ROS1: variants seen among roughly 807,000 people sequenced by gnomAD.
The protein encoded by ROS1 is ROS proto-oncogene 1, receptor tyrosine kinase.
In ROS1, 263 loss-of-function variants were observed where a neutral mutation model predicts 273.5. The ratio of observed to expected loss-of-function variants is 0.96; its 90% CI spans 0.87 to 1.06. The LOEUF is 1.06. ROS1 is among the 50% of genes least tolerant of loss of function. The probability of loss-of-function intolerance (pLI) is 0.00; values close to 1 mark genes in which losing one functional copy is unlikely to be tolerated. For synonymous variants in ROS1, 1,008 were observed against 954.1 expected (o/e 1.06, Z -1.04); for missense variants, 2,833 against 2,751.1 (o/e 1.03, Z -0.67).
intron 7 of ROS1, among the ~76,000 whole-genome samples, chr6:117,398,477 G>A (rs750470411): frequency 1.5e-4 from 23 of 152,094 alleles, no homozygotes; most frequent in Non-Finnish European, 2.4e-4. Flanking sequence ...CCAGGAGTTC[G>A]AGATCAGCCT....
Position 117,327,956 on chromosome 6 carries a change from A to G in ROS1, c.5348+1373T>C, listed in dbSNP as rs570467521. On this transcript the variant is annotated intron_variant, in intron 33 of 43. Transcript: ENST00000368507. Reference sequence around the variant, plus strand: ...AAACGCCAGAAGCTAAGAGGCAAAGATGGATTCTGCCCTAGAACCATCAGA... The same window carrying G: ...AAACGCCAGAAGCTAAGAGGCAAAGGTGGATTCTGCCCTAGAACCATCAGA... Among the ~76,000 whole-genome samples, 5 of 152,294 alleles carry G rather than the reference A, an allele frequency of 3.3e-5. No individual in the cohort carries two copies. The South Asian group carries it at 1.0e-3, about 32-fold the overall frequency.
At chr6:117,401,063 A>C (rs1209073997) in intron 7 of ROS1, among the ~76,000 whole-genome samples, 1 of 152,188 alleles carries the variant, frequency 6.6e-6, no homozygotes, top group African/African-American at 2.4e-5. Context: ...TTCAGACTGA[A>C]AGTCTAAGTT....
chr6:117,328,479 G>T (rs975101295), intron 33 of ROS1: 1 of 335,854 alleles, frequency 3.0e-6, no homozygotes, highest in African/African-American at 2.0e-5. Flanking sequence ...ACTTCAAGGA[G>T]GTTTCAATTA....
chr6:117,315,410 C>T (rs927954215), intron 39 of ROS1, among the ~76,000 whole-genome samples: 3 of 152,066 alleles, frequency 2.0e-5, no homozygotes, highest in Non-Finnish European at 4.4e-5. Flanking sequence ...TGTTACTTTA[C>T]TATGAGTAAA....
chr6:117,291,729 C>T (rs1242813412), intron 43 of ROS1, among the ~76,000 whole-genome samples: 2 of 152,138 alleles, frequency 1.3e-5, no homozygotes, highest in African/African-American at 2.4e-5. Flanking sequence ...TGGAAAAGTA[C>T]TAAAATAAAA....
chr6:117,419,262 A>T (rs1227984087), intron 1 of ROS1, among the ~76,000 whole-genome samples: 1 of 152,172 alleles, frequency 6.6e-6, no homozygotes, highest in Non-Finnish European at 1.5e-5. Flanking sequence ...TTCAATAAAT[A>T]CTGATGTGCT....
rs2128644297 is a variant in ROS1 at position 117,356,846 on chromosome 6, G to A, written c.3909C>T (p.Thr1303=). 1.2e-6 allele frequency: 2 copies of A among 1,614,110 alleles called. No homozygotes were observed. Among genetic ancestry groups the A allele is most frequent in the African/African-American group, 1.3e-5 (1 of 75,038 alleles). Residue 1303 remains threonine (T), a synonymous_variant, in exon 26 of 44, where the codon ACC becomes ACT. Transcript: ENST00000368507. ...CTGTGGGTTGCAGAATTCGGTGCAA[G>A]GTGTGACTGATAATACTGTAGTAGA... is the stretch of plus-strand genomic sequence containing the variant. The part of the protein sequence containing the change: ...QMFYYSIISH[T]LHRILQPTAT...
chr6:117,290,932 C>T (rs570875454), intron 43 of ROS1, among the ~76,000 whole-genome samples: 1 of 152,260 alleles, frequency 6.6e-6, no homozygotes, highest in Admixed American at 6.5e-5. Context: ...TAAATATGCC[C>T]ACCAGTCTGC....
At chr6:117,329,742 G>C (rs1263813575) in intron 32 of ROS1, among the ~76,000 whole-genome samples, 1 of 151,962 alleles carries the variant, frequency 6.6e-6, no homozygotes, top group Admixed American at 6.6e-5. Flanking sequence ...AGAACCACAC[G>C]GGGAAGGGGA....
At chr6:117,291,342 C>G (rs572537677) in intron 43 of ROS1, among the ~76,000 whole-genome samples, 1 of 152,260 alleles carries the variant, frequency 6.6e-6, no homozygotes, top group East Asian at 1.9e-4. Flanking sequence ...GGGAATATTA[C>G]TTAGAATTTT....
At chr6:117,324,132 T>C (rs1776469786) in intron 35 of ROS1, among the ~76,000 whole-genome samples, 200 bp downstream of exon 35, 1 of 152,244 alleles carries the variant, frequency 6.6e-6, no homozygotes, top group Admixed American at 6.5e-5. Context: ...ATATTTTCCA[T>C]AAAATAGTTA....
At chr6:117,344,756 A>G (rs992750646) in intron 27 of ROS1, among the ~76,000 whole-genome samples, 2 of 152,162 alleles carry the variant, frequency 1.3e-5, no homozygotes, top group African/African-American at 4.8e-5. Context: ...TGTTTGGGGA[A>G]AGATCAAGTC....
rs945272881 is a variant in ROS1 at position 117,329,336 on chromosome 6, C to T, written c.5341G>A (p.Glu1781Lys). The change falls in exon 33 of 44, where the codon GAG becomes AAG. Residue 1781 changes from glutamate (E) to lysine (K), a missense_variant. Physicochemically the swap from Glu to Lys is moderately conservative, Grantham distance 56. Coordinates refer to ENST00000368507, the MANE Select transcript of ROS1 (RefSeq NM_001378902.1). ...CTTTGCAAACACACATACCTTATCTCAAGGATATAGTATGTAATTCTACAT... is the reference window on the plus strand; with the variant it reads ...CTTTGCAAACACACATACCTTATCTTAAGGATATAGTATGTAATTCTACAT... Reference protein sequence around the residue: ...NGCRITYYILEIRKSTSNNLQ... With the variant: ...NGCRITYYILKIRKSTSNNLQ... 7.0e-7 allele frequency: 1 copy of T among 1,433,358 alleles called. No individual in the cohort carries two copies. The highest frequency in any genetic ancestry group is 2.3e-5 in the East Asian group (1 of 43,916). The allele number at this position is 1,433,358 out of a possible 1,614,324, so 88.8% of individuals were successfully genotyped here. A position where few individuals can be genotyped will look rare whatever the true frequency, so the allele number is the denominator to read the frequency against.
At chr6:117,353,454 A>C in intron 26 of ROS1, among the ~76,000 whole-genome samples, 1 of 152,230 alleles carries the variant, frequency 6.6e-6, no homozygotes, top group East Asian at 1.9e-4. Flanking sequence ...AAGGCCACCA[A>C]AGGGCAGACC....
intron 7 of ROS1, 114 bp from the exon 8 acceptor site, chr6:117,397,230 A>T: frequency 7.3e-6 from 5 of 683,696 alleles, no homozygotes; most frequent in Non-Finnish European, 1.3e-5. Flanking sequence ...GAAACGAAAT[A>T]ATTTTATTAA....
intron 18 of ROS1, among the ~76,000 whole-genome samples, chr6:117,374,027 G>A (rs1462543184): frequency 6.6e-6 from 1 of 152,196 alleles, no homozygotes; most frequent in Non-Finnish European, 1.5e-5. Context: ...CATGCTCATG[G>A]ATGGGTAGAA....
At chr6:117,288,884 G>T in intron 43 of ROS1, 82 bp from the exon 44 acceptor site, 1 of 1,115,714 alleles carries the variant, frequency 9.0e-7, no homozygotes, top group Non-Finnish European at 1.2e-6. Context: ...CAGAATTATA[G>T]CAACACCAAC....
At chr6:117,341,026 A>C in intron 31 of ROS1, 109 bp downstream of exon 31, 4 of 699,344 alleles carry the variant, frequency 5.7e-6, no homozygotes, top group Non-Finnish European at 9.3e-6. Flanking sequence ...AATCAATGAA[A>C]GTTGTCAAAT....
intron 1 of ROS1, among the ~76,000 whole-genome samples, chr6:117,424,583 T>C (rs1031193230): frequency 2.0e-5 from 3 of 152,086 alleles, no homozygotes; most frequent in Admixed American, 6.6e-5. Flanking sequence ...TGCAATTCTA[T>C]ATTAAAGGCA....
Sources: gnomAD v4.1 joint callset for allele counts (sites outside exome capture counted in the v4.1 genomes callset) on GRCh38, gnomAD v4.1.1 for gene constraint, MANE v1.5 for transcripts, NCBI Gene and HGNC (gene_info 2026-07-23, HGNC 2026-07-21) for gene names.